CDK14: variants seen among roughly 807,000 people sequenced by gnomAD.
CDK14 encodes the protein cyclin dependent kinase 14, also known as cyclin-dependent kinase 14.
In CDK14, 34 loss-of-function variants were observed where a neutral mutation model predicts 60.7. The ratio of observed to expected loss-of-function variants is 0.56; its 90% CI spans 0.43 to 0.75. The LOEUF (loss-of-function observed/expected upper bound fraction) is 0.75. Among genes scored for constraint, CDK14 ranks in the 30% least tolerant of loss-of-function variants. The pLI, the probability that CDK14 is intolerant of heterozygous loss-of-function variation, is 0.00. For missense variants in CDK14, 482 were observed against 564.1 expected, an observed-to-expected ratio of 0.85 and a Z score of 1.47; for synonymous variants, 197 against 203.7, an observed-to-expected ratio of 0.97 and a Z score of 0.28.
intron 14 of CDK14, among the ~76,000 whole-genome samples, chr7:91,142,898 C>G (rs1800510505): frequency 6.6e-6 from 1 of 152,174 alleles, no homozygotes; most frequent in South Asian, 2.1e-4. Flanking sequence ...GCCAACAGAT[C>G]TCAGATGGAT....
intron 6 of CDK14, among the ~76,000 whole-genome samples, chr7:90,888,844 A>G (rs1792030971): frequency 1.3e-5 from 2 of 152,370 alleles, no homozygotes; most frequent in Admixed American, 6.5e-5. Context: ...CCTGGCTTCA[A>G]AATAGCATGA....
intron 9 of CDK14, 85 bp from the exon 10 acceptor site, chr7:90,984,063 T>C (rs1795313265): frequency 1.2e-6 from 1 of 850,982 alleles, no homozygotes; most frequent in Non-Finnish European, 2.0e-6. Context: ...TTCTCTTCTG[T>C]AGGAGTGGAT....
At chr7:90,751,791 CAT>C (rs1251922959) in intron 4 of CDK14, among the ~76,000 whole-genome samples, 1 of 152,142 alleles carries the variant, frequency 6.6e-6, no homozygotes, top group Non-Finnish European at 1.5e-5. Context: ...ACCCATCTCA[CAT>C]GTGATTACAC....
rs190267288 is a variant in CDK14, at chr7:90,867,799, A to C, written c.639+4530A>C. 3.6e-3 allele frequency among the ~76,000 whole-genome samples: 544 copies of C among 152,206 alleles called. 3 individuals are homozygous for C. Among genetic ancestry groups the C allele is most frequent in the African/African-American group, 0.012 (514 of 41,530 alleles). On this transcript the variant is annotated intron_variant, in intron 6 of 14. Transcript: ENST00000380050. Reference sequence around the variant, plus strand: ...GCACTTACAATTTTGGTAGTAGAGTAGATTTTTATGTTAAGCATTCTTACC... The same window carrying C: ...GCACTTACAATTTTGGTAGTAGAGTCGATTTTTATGTTAAGCATTCTTACC...
chr7:90,703,730 TAATTG>T (rs1801837763), intron 2 of CDK14, among the ~76,000 whole-genome samples: 1 of 152,114 alleles, frequency 6.6e-6, no homozygotes, highest in South Asian at 2.1e-4. Flanking sequence ...TTATCCAGGA[TAATTG>T]AGGGCATACA....
At chr7:90,780,881 A>G (rs1305459596) in intron 4 of CDK14, among the ~76,000 whole-genome samples, 2 of 151,930 alleles carry the variant, frequency 1.3e-5, no homozygotes, top group African/African-American at 2.4e-5. Context: ...ATGTGTCTTT[A>G]TAGTAGCATG....
At chr7:90,721,608 G>A (rs1802456695) in intron 2 of CDK14, among the ~76,000 whole-genome samples, 1 of 152,098 alleles carries the variant, frequency 6.6e-6, no homozygotes, top group South Asian at 2.1e-4. Context: ...CCTGCACTGT[G>A]AACTGGAATC....
At chr7:90,804,684 T>A (rs1214500244) in intron 5 of CDK14, among the ~76,000 whole-genome samples, 1 of 152,276 alleles carries the variant, frequency 6.6e-6, no homozygotes, top group East Asian at 1.9e-4. Flanking sequence ...TTCTTTTTTA[T>A]ATTAATAATT....
intron 2 of CDK14, among the ~76,000 whole-genome samples, chr7:90,612,881 C>CT (rs1362683806): frequency 6.6e-6 from 1 of 151,480 alleles, no homozygotes; most frequent in Non-Finnish European, 1.5e-5. Context: ...TGCAAGAGGT[C>CT]TAAAAGTTAG....
rs572938545 is a variant in CDK14, at chr7:90,709,490, A to G, written c.124-17077A>G. ...TTCTTCTGAAGCAGCCCTGCATTGC[A>G]AATCAATATCTTTCTGAAAAGACAG... On this transcript the variant is annotated intron_variant, in intron 2 of 14. Transcript: ENST00000380050. 11 of 1,606,316 alleles carry G rather than the reference A, an allele frequency of 6.8e-6. No homozygotes were observed. The Middle Eastern group carries it at 1.2e-3, about 170-fold the overall frequency.
At chr7:91,196,356 T>C (rs1697514710) in intron 14 of CDK14, among the ~76,000 whole-genome samples, 1 of 152,242 alleles carries the variant, frequency 6.6e-6, no homozygotes. Context: ...TCAAGCCAGT[T>C]CCAGAACACC....
intron 6 of CDK14, among the ~76,000 whole-genome samples, chr7:90,868,537 A>G (rs1791263688): frequency 6.6e-6 from 1 of 152,094 alleles, no homozygotes; most frequent in Non-Finnish European, 1.5e-5. Context: ...TGTTAGGGAT[A>G]ATCATTTTGT....
chr7:90,647,343 A>C (rs1800491106), intron 2 of CDK14, among the ~76,000 whole-genome samples: 1 of 152,104 alleles, frequency 6.6e-6, no homozygotes, highest in South Asian at 2.1e-4. Context: ...AATGCTTTCA[A>C]TATTAGAACA....
In CDK14 at chr7:90,604,203, C is replaced by T; in HGVS notation, c.92-15C>T. On this transcript the variant is annotated splice_polypyrimidine_tract_variant and intron_variant, in intron 1 of 14. Transcript: ENST00000380050. ...TTTTCACAATAACTGTTTCCTTTTC[C>T]TTCTTATTTTATAGCTTTGAAGAAA... 1 of 1,509,970 alleles carries T rather than the reference C, an allele frequency of 6.6e-7. No individual in the cohort carries two copies. The highest frequency in any genetic ancestry group is 1.3e-5 in the South Asian group (1 of 79,370). 93.5% of individuals were successfully genotyped at this position (1,509,970 alleles called of 1,614,324 possible). A position where few individuals can be genotyped will look rare whatever the true frequency, so the allele number is the denominator to read the frequency against.
intron 2 of CDK14, among the ~76,000 whole-genome samples, chr7:90,706,759 T>A (rs953061221): frequency 6.6e-6 from 1 of 152,058 alleles, no homozygotes; most frequent in African/African-American, 2.4e-5. Flanking sequence ...AAAGAAAAAT[T>A]GTCCATTGTG....
intron 14 of CDK14, among the ~76,000 whole-genome samples, chr7:91,149,594 T>A (rs1800771647): frequency 6.6e-6 from 1 of 152,228 alleles, no homozygotes; most frequent in Non-Finnish European, 1.5e-5. Context: ...GTTAGCAATT[T>A]TAGGCTGACA....
At chr7:91,169,891 A>G (rs556610786) in intron 14 of CDK14, among the ~76,000 whole-genome samples, 1 of 152,338 alleles carries the variant, frequency 6.6e-6, no homozygotes, top group African/African-American at 2.4e-5. Context: ...CCCAAATAGC[A>G]TTGTGCTTTA....
chr7:90,643,154 G>A (rs1800380176), intron 2 of CDK14, among the ~76,000 whole-genome samples: 2 of 152,222 alleles, frequency 1.3e-5, no homozygotes. Flanking sequence ...TTTGCCTGGA[G>A]GCAAGATGAG....
intron 4 of CDK14, among the ~76,000 whole-genome samples, chr7:90,767,082 C>T (rs1804596148): frequency 1.3e-5 from 2 of 152,194 alleles, no homozygotes; most frequent in African/African-American, 4.8e-5. Context: ...CAAGCCATGC[C>T]ATGCCATACT....
Sources: allele counts gnomAD v4.1 joint callset (sites outside exome capture counted in the v4.1 genomes callset), GRCh38; gene constraint gnomAD v4.1.1; transcripts MANE v1.5; gene names NCBI Gene and HGNC (gene_info 2026-07-23, HGNC 2026-07-21).